Variants in RANBP2 observed in about 807,000 individuals in gnomAD.
RANBP2 encodes E3 SUMO-protein ligase RanBP2.
A neutral mutation model predicts 303.6 loss-of-function variants in RANBP2; 57 were observed. The ratio of observed to expected loss-of-function variants is 0.19; its 90% CI spans 0.15 to 0.23. The LOEUF is 0.23. RANBP2 is among the 10% of genes least tolerant of loss of function. The probability of loss-of-function intolerance (pLI) is 1.00; values close to 1 mark genes in which losing one functional copy is unlikely to be tolerated. For missense variants in RANBP2, 3,138 were observed against 3,780.8 expected, an observed-to-expected ratio of 0.83 and a Z score of 4.46; for synonymous variants, 1,167 against 1,301.5, an observed-to-expected ratio of 0.90 and a Z score of 2.23.
the RANBP2 span, among the ~76,000 whole-genome samples, chr2:109,571,572 ATACAG>A: frequency 1.3e-5 from 2 of 152,232 alleles, no homozygotes; most frequent in Admixed American, 6.5e-5. Flanking sequence ...GAAACATATA[ATACAG>A]TACAGTAAAA....
At chr2:109,135,194 C>G in the RANBP2 span, among the ~76,000 whole-genome samples, 2 of 152,176 alleles carry the variant, frequency 1.3e-5, no homozygotes, top group Non-Finnish European at 2.9e-5. Context: ...GTGACCCAGC[C>G]CCAACCCCAT....
the RANBP2 span, among the ~76,000 whole-genome samples, chr2:109,065,168 G>A: frequency 1.7e-4 from 26 of 152,260 alleles, no homozygotes; most frequent in African/African-American, 5.3e-4. Context: ...AACATTAGGA[G>A]GCACTCTAGT....
the RANBP2 span, among the ~76,000 whole-genome samples, chr2:109,382,935 C>G: frequency 6.6e-6 from 1 of 152,254 alleles, no homozygotes; most frequent in Non-Finnish European, 1.5e-5. Flanking sequence ...CACGCTCTTC[C>G]AGGCCCATGC....
the RANBP2 span, among the ~76,000 whole-genome samples, chr2:109,233,095 C>T: frequency 2.6e-5 from 4 of 152,126 alleles, no homozygotes; most frequent in East Asian, 1.9e-4. Context: ...ACAGCAGTGG[C>T]GAGGGGTGTG....
chr2:108,749,509 G>C (rs1279663739), intron 9 of RANBP2, among the ~76,000 whole-genome samples: 1 of 151,958 alleles, frequency 6.6e-6, no homozygotes, highest in African/African-American at 2.4e-5. Flanking sequence ...TGTTGGTCAG[G>C]CTGGTCTCAA....
the RANBP2 span, among the ~76,000 whole-genome samples, chr2:108,837,501 GA>G: frequency 6.6e-6 from 1 of 151,852 alleles, no homozygotes; most frequent in Admixed American, 6.6e-5. Context: ...ATGGAGCAAA[GA>G]AAAAAAGAAT....
chr2:109,081,822 A>G, the RANBP2 span, among the ~76,000 whole-genome samples: 310 of 152,336 alleles, frequency 2.0e-3, 2 homozygotes, highest in African/African-American at 7.2e-3. Context: ...GGCTTGCAGA[A>G]ACACATCCTT....
the RANBP2 span, among the ~76,000 whole-genome samples, chr2:109,034,801 C>A: frequency 6.6e-6 from 1 of 152,196 alleles, no homozygotes. Context: ...TTAGGTAAAA[C>A]CCCTCTCCTG....
the RANBP2 span, among the ~76,000 whole-genome samples, chr2:109,483,075 G>A: frequency 3.3e-5 from 5 of 152,156 alleles, no homozygotes; most frequent in Admixed American, 2.6e-4. Context: ...AAAATGCGTT[G>A]CATATTTATA....
At chr2:109,211,523 T>C in the RANBP2 span, among the ~76,000 whole-genome samples, 1 of 152,108 alleles carries the variant, frequency 6.6e-6, no homozygotes, top group Non-Finnish European at 1.5e-5. Context: ...AGGTATCCAG[T>C]AGGAGCGGAT....
chr2:109,442,259 C>T, the RANBP2 span, among the ~76,000 whole-genome samples: 7 of 148,796 alleles, frequency 4.7e-5, no homozygotes, highest in East Asian at 2.0e-4. Context: ...TACAGTGAGC[C>T]GAGATCGTGC....
chr2:109,062,022 C>A, the RANBP2 span, among the ~76,000 whole-genome samples: 1 of 152,146 alleles, frequency 6.6e-6, no homozygotes, highest in African/African-American at 2.4e-5. Context: ...ACCCTCCAGC[C>A]CCGAAAGTCT....
the RANBP2 span, among the ~76,000 whole-genome samples, chr2:109,364,279 C>G: frequency 3.3e-5 from 5 of 151,924 alleles, no homozygotes; most frequent in African/African-American, 1.2e-4. Flanking sequence ...ATAAGCACGT[C>G]GAAGGCATTC....
At chr2:109,297,326 T>G in the RANBP2 span, among the ~76,000 whole-genome samples, 1 of 152,204 alleles carries the variant, frequency 6.6e-6, no homozygotes, top group East Asian at 1.9e-4. Context: ...GATGAGACCC[T>G]TTGCTCAGTT....
chr2:109,668,487 G>A, the RANBP2 span, among the ~76,000 whole-genome samples: 1 of 152,162 alleles, frequency 6.6e-6, no homozygotes, highest in Non-Finnish European at 1.5e-5. Flanking sequence ...CCTATATAAA[G>A]AAACAACAAT....
the RANBP2 span, among the ~76,000 whole-genome samples, chr2:109,264,198 C>T: frequency 8.8e-4 from 132 of 150,220 alleles, 1 homozygote; most frequent in African/African-American, 2.8e-3. Context: ...GTGTGCTCCC[C>T]GTTCACCTCC....
chr2:109,350,390 A>G, the RANBP2 span, among the ~76,000 whole-genome samples: 2 of 152,006 alleles, frequency 1.3e-5, no homozygotes, highest in African/African-American at 4.8e-5. Flanking sequence ...TTGTTCAAGG[A>G]CTTTCTTTAC....
chr2:109,353,364 TG>T, the RANBP2 span, among the ~76,000 whole-genome samples: 1 of 152,142 alleles, frequency 6.6e-6, no homozygotes, highest in African/African-American at 2.4e-5. Context: ...CTGCTGGAGG[TG>T]GGGGCTACCC....
the RANBP2 span, chr2:108,910,513 G>A: frequency 0.91 from 1,463,421 of 1,613,114 alleles, 664,238 homozygotes; most frequent in East Asian, 1. Context: ...CATCCTTCTC[G>A]GAGAACATCA....
Sources: gnomAD v4.1 joint callset for allele counts (sites outside exome capture counted in the v4.1 genomes callset) on GRCh38, gnomAD v4.1.1 for gene constraint, MANE v1.5 for transcripts, NCBI Gene and HGNC (gene_info 2026-07-23, HGNC 2026-07-21) for gene names.